IQCE: variants seen among roughly 807,000 people sequenced by gnomAD.
The protein encoded by IQCE is IQ motif containing E.
A neutral mutation model predicts 96.0 loss-of-function variants in IQCE; 115 were observed. The observed-to-expected ratio is 1.20, with a 90% CI of 1.03 to 1.40. The LOEUF is 1.40. IQCE is among the 40% of genes most tolerant of loss of function. The pLI, the probability that IQCE is intolerant of heterozygous loss-of-function variation, is 0.00. For missense variants in IQCE, 1,041 were observed against 909.1 expected, an observed-to-expected ratio of 1.15 and a Z score of -1.87; for synonymous variants, 412 against 371.2, an observed-to-expected ratio of 1.11 and a Z score of -1.26.
chr7:2,571,231 C>A (rs962691684), intron 3 of IQCE, among the ~76,000 whole-genome samples: 10 of 152,084 alleles, frequency 6.6e-5, no homozygotes, highest in Non-Finnish European at 1.5e-4. Flanking sequence ...ATTGCCCAGG[C>A]TGGTCTTGAA....
chr7:2,572,185 A>C lies in IQCE; in HGVS notation c.260-7A>C. 1 of 1,611,204 alleles carries C rather than the reference A, an allele frequency of 6.2e-7. No individual in the cohort carries two copies. Among genetic ancestry groups the C allele is most frequent in the Non-Finnish European group, 8.5e-7 (1 of 1,178,840 alleles). On this transcript the variant is annotated splice_polypyrimidine_tract_variant and splice_region_variant and intron_variant, in intron 4 of 21. Transcript: ENST00000402050. ...TGTCATATTAAACCCATGCACATTC[A>C]AACCAGGAAGTCTGACCCAGGCCCT... is the stretch of plus-strand genomic sequence containing the variant.
intron 8 of IQCE, among the ~76,000 whole-genome samples, chr7:2,579,727 G>GTC (rs1782514852): frequency 4.9e-5 from 5 of 101,140 alleles, no homozygotes; most frequent in East Asian, 2.3e-4. Context: ...GTGTGTGTGT[G>GTC]TGTGTGTGTG....
rs748537991 is a variant in IQCE at position 2,594,979 on chromosome 7, A to C, written c.1440+3A>C. ...ATTGCCCGGAAGTTCCTCATAAGGT[A>C]CAGTGACCATTCAGTTGAGTCTCCC... On this transcript the variant is annotated splice_donor_region_variant and intron_variant, in intron 16 of 21. Transcript: ENST00000402050. The C allele has an allele frequency of 5.6e-6, 9 of 1,599,474 alleles. No homozygotes were observed. The African/African-American group carries it at 1.1e-4, about 19-fold the overall frequency.
At chr7:2,582,177 C>T (rs975680010) in intron 8 of IQCE, 16 of 418,980 alleles carry the variant, frequency 3.8e-5, no homozygotes, top group Non-Finnish European at 9.5e-6. Flanking sequence ...CTCACTGCCC[C>T]ATGGAGACTG....
At chr7:2,594,393 C>T (rs1783855481) in intron 15 of IQCE, among the ~76,000 whole-genome samples, 1 of 152,136 alleles carries the variant, frequency 6.6e-6, no homozygotes, top group Non-Finnish European at 1.5e-5. Context: ...GCCTTTAGTA[C>T]CTGGAATGAA....
intron 6 of IQCE, 44 bp from the exon 7 acceptor site, chr7:2,578,198 G>A (rs746483079): frequency 3.4e-6 from 5 of 1,457,726 alleles, no homozygotes; most frequent in African/African-American, 1.4e-5. Context: ...CGGCGTGTGC[G>A]CAGCTTCGTG....
rs368687600 is a variant in IQCE at position 2,610,052 on chromosome 7, C to T, written c.1978C>T (p.Pro660Ser). The change falls in exon 22 of 22, where the codon CCC (proline) becomes TCC (serine). Residue 660 changes from proline (P) to serine (S), a missense_variant. By Grantham distance (74) the Pro-to-Ser change is moderately conservative. Coordinates refer to ENST00000402050, the MANE Select transcript of IQCE (RefSeq NM_152558.5). ...GTGGTTCATTTCTGCAGACCCCTCT[C>T]CCTCAGGGCCACAGGCCTTGGCACC... Reference protein sequence around the residue: ...PFLAALPDPSPSGPQALAPLP... With the variant: ...PFLAALPDPSSSGPQALAPLP... 116 of 1,587,802 alleles carry T rather than the reference C, an allele frequency of 7.3e-5. No homozygotes were observed. The highest frequency in any genetic ancestry group is 1.7e-4 in the Middle Eastern group (1 of 6,012).
chr7:2,567,079 T>G (rs748896075), intron 1 of IQCE, 37 bp from the exon 2 acceptor site: 2 of 1,590,858 alleles, frequency 1.3e-6, no homozygotes, highest in Non-Finnish European at 1.7e-6. Context: ...GCCCAGCAGG[T>G]GCCGTCGAGT....
intron 12 of IQCE, among the ~76,000 whole-genome samples, chr7:2,587,019 G>T (rs536322891): frequency 6.6e-6 from 1 of 152,232 alleles, no homozygotes; most frequent in Admixed American, 6.5e-5. Flanking sequence ...GTCTAGTCGG[G>T]CTGCTGGTGG....
At chr7:2,578,579 G>T (rs2128445291) in intron 8 of IQCE, 53 bp downstream of exon 8, 2 of 1,592,272 alleles carry the variant, frequency 1.3e-6, no homozygotes, top group East Asian at 2.2e-5. Flanking sequence ...AGTTACTGGG[G>T]ACAGCCACAG....
In IQCE at chr7:2,567,110, C is replaced by T; in HGVS notation, c.37-6C>T. The T allele has an allele frequency of 1.2e-6, 2 of 1,613,580 alleles. No homozygotes were observed. Among genetic ancestry groups the T allele is most frequent in the South Asian group, 1.1e-5 (1 of 91,058 alleles). On this transcript the variant is annotated splice_polypyrimidine_tract_variant and splice_region_variant and intron_variant, in intron 1 of 21. Transcript: ENST00000402050. ...CGAGTTACAGTGTTTGCCTCTCTTC[C>T]TCCAGGGAGATGACAGTCTGTCTGC...
intron 1 of IQCE, among the ~76,000 whole-genome samples, chr7:2,564,755 A>C (rs888811926): frequency 6.6e-6 from 1 of 152,184 alleles, no homozygotes; most frequent in Non-Finnish European, 1.5e-5. Context: ...ACACTTGAGT[A>C]GAATGTGTAT....
At chr7:2,599,525 C>A (rs2128467457) in intron 17 of IQCE, among the ~76,000 whole-genome samples, 1 of 151,904 alleles carries the variant, frequency 6.6e-6, no homozygotes. Flanking sequence ...GAGACAGGGT[C>A]TCACTCCATC....
At chr7:2,562,776 CT>C (rs1430775790) in intron 1 of IQCE, among the ~76,000 whole-genome samples, 6 of 149,852 alleles carry the variant, frequency 4.0e-5, no homozygotes, top group Non-Finnish European at 8.9e-5. Context: ...CTTTTACTTC[CT>C]TTGAGTTTAG....
intron 1 of IQCE, among the ~76,000 whole-genome samples, chr7:2,562,230 T>TG (rs1207626974): frequency 2.8e-5 from 4 of 141,782 alleles, no homozygotes; most frequent in African/African-American, 1.1e-4. Context: ...TTCTTGGTCT[T>TG]GGGGTGTGTG....
intron 17 of IQCE, among the ~76,000 whole-genome samples, chr7:2,599,060 C>T (rs1475046725): frequency 2.0e-5 from 3 of 152,320 alleles, no homozygotes; most frequent in Non-Finnish European, 4.4e-5. Flanking sequence ...ATCTGTTTCC[C>T]GCCAGCATTC....
At chr7:2,566,038 C>T (rs190598663) in intron 1 of IQCE, among the ~76,000 whole-genome samples, 179 of 152,262 alleles carry the variant, frequency 1.2e-3, no homozygotes, top group Non-Finnish European at 2.0e-3. Context: ...CTTTTCAGAA[C>T]GCAGTAGCAT....
intron 1 of IQCE, among the ~76,000 whole-genome samples, chr7:2,563,786 T>G (rs1326930429): frequency 7.0e-6 from 1 of 142,212 alleles, no homozygotes; most frequent in Admixed American, 7.5e-5. Flanking sequence ...CCCAGTTACT[T>G]GGGAGGCTGA....
intron 6 of IQCE, among the ~76,000 whole-genome samples, chr7:2,574,546 C>T (rs755019084): frequency 2.1e-4 from 32 of 152,288 alleles, no homozygotes; most frequent in African/African-American, 1.4e-4. Flanking sequence ...AGCTGTGTGT[C>T]GGGGATGTTA....
Sources: gnomAD v4.1 joint callset for allele counts (sites outside exome capture counted in the v4.1 genomes callset) on GRCh38, gnomAD v4.1.1 for gene constraint, MANE v1.5 for transcripts, NCBI Gene and HGNC (gene_info 2026-07-23, HGNC 2026-07-21) for gene names.